Variants in THSD7A observed in about 807,000 individuals in gnomAD.
THSD7A encodes thrombospondin type-1 domain-containing protein 7A.
THSD7A carries 96 observed loss-of-function variants against 231.3 expected under a neutral mutation model. That is an observed-to-expected ratio of 0.41 (90% CI 0.35 to 0.49). The LOEUF is 0.49. THSD7A is among the 20% of genes least tolerant of loss of function. THSD7A has a pLI of 0.05. For missense variants in THSD7A, 2,290 were observed against 2,070.2 expected (o/e 1.11, Z -2.06); for synonymous variants, 940 against 743.3 (o/e 1.26, Z -4.30).
chr7:11,638,597 A>C (rs1431441282), intron 1 of THSD7A, among the ~76,000 whole-genome samples: 1 of 152,190 alleles, frequency 6.6e-6, no homozygotes, highest in Non-Finnish European at 1.5e-5. Context: ...ATGAAAGTAA[A>C]TATTGCATAG....
intron 1 of THSD7A, among the ~76,000 whole-genome samples, chr7:11,819,474 G>A (rs1403803559): frequency 2.0e-5 from 3 of 152,162 alleles, no homozygotes; most frequent in Non-Finnish European, 4.4e-5. Flanking sequence ...ATGGAATATT[G>A]TTCAGCGCTC....
chr7:11,455,036 G>T (rs1463180426), intron 11 of THSD7A, among the ~76,000 whole-genome samples: 1 of 151,990 alleles, frequency 6.6e-6, no homozygotes, highest in Admixed American at 6.6e-5. Context: ...ATGAGTGTGA[G>T]GTTCCTATGA....
intron 23 of THSD7A, among the ~76,000 whole-genome samples, chr7:11,388,363 A>T (rs1181415475): frequency 1.3e-5 from 2 of 152,000 alleles, no homozygotes; most frequent in African/African-American, 4.8e-5. Context: ...TTAGTGCCTC[A>T]ATTTTAGAAC....
chr7:11,586,846 C>A (rs1033862672), intron 4 of THSD7A, among the ~76,000 whole-genome samples: 21 of 152,238 alleles, frequency 1.4e-4, no homozygotes, highest in Admixed American at 1.3e-3. Context: ...ATCCTCCAAT[C>A]CTTTCTGTTG....
chr7:11,766,267 C>T (rs2128169864), intron 1 of THSD7A, among the ~76,000 whole-genome samples: 1 of 152,264 alleles, frequency 6.6e-6, no homozygotes, highest in Admixed American at 6.5e-5. Context: ...GAAGAAAGGC[C>T]AGCATCAGTT....
intron 4 of THSD7A, among the ~76,000 whole-genome samples, chr7:11,577,462 A>T (rs1190038389): frequency 2.6e-5 from 4 of 151,960 alleles, no homozygotes; most frequent in Non-Finnish European, 5.9e-5. Context: ...GACTACAGGC[A>T]TGTGCCACCA....
At chr7:11,466,118 T>G (rs757586595) in intron 9 of THSD7A, among the ~76,000 whole-genome samples, 27 of 152,274 alleles carry the variant, frequency 1.8e-4, no homozygotes, top group Middle Eastern at 3.4e-3. Context: ...TGTATTTGAC[T>G]TCCTTAAAGT....
rs7776931 is a variant in THSD7A at position 11,490,750 on chromosome 7, A to C, written c.1823-8768T>G. On this transcript the variant is annotated intron_variant, in intron 6 of 27. Coordinates refer to ENST00000423059, the MANE Select transcript of THSD7A (RefSeq NM_015204.3). ...AAATGTTAATTTTCATGTGCTCCAC[A>C]TTTAGTTTTTTAGTAACTAGTTCAA... Among the ~76,000 whole-genome samples the C allele has an allele frequency of 1.1e-3, 174 of 152,158 alleles. 1 individual carries two copies. The highest frequency in any genetic ancestry group is 3.9e-3 in the African/African-American group (162 of 41,550).
chr7:11,607,283 G>A (rs1477343027), intron 2 of THSD7A, among the ~76,000 whole-genome samples: 4 of 152,150 alleles, frequency 2.6e-5, no homozygotes, highest in East Asian at 1.9e-4. Flanking sequence ...TTCTGAGACC[G>A]TTACTTATAG....
At chr7:11,771,206 T>C (rs937014950) in intron 1 of THSD7A, among the ~76,000 whole-genome samples, 1 of 151,194 alleles carries the variant, frequency 6.6e-6, no homozygotes, top group African/African-American at 2.4e-5. Flanking sequence ...TCCTCAATTA[T>C]AAAAAATTTA....
At chr7:11,558,445 C>T (rs973250490) in intron 4 of THSD7A, among the ~76,000 whole-genome samples, 2 of 152,102 alleles carry the variant, frequency 1.3e-5, no homozygotes, top group Non-Finnish European at 2.9e-5. Context: ...TACCACAGTC[C>T]TAAATCTGGC....
intron 1 of THSD7A, among the ~76,000 whole-genome samples, chr7:11,720,848 A>G (rs1464619089): frequency 6.6e-6 from 1 of 151,424 alleles, no homozygotes; most frequent in African/African-American, 2.4e-5. Context: ...CATAGTTTTG[A>G]CTTTTACCAC....
At chr7:11,782,175 T>C (rs1459738512) in intron 1 of THSD7A, among the ~76,000 whole-genome samples, 2 of 152,304 alleles carry the variant, frequency 1.3e-5, no homozygotes, top group South Asian at 2.1e-4. Flanking sequence ...TATGTTCCCA[T>C]CTGTTCTGCA....
chr7:11,496,219 G>A (rs1384788429), intron 6 of THSD7A, among the ~76,000 whole-genome samples: 1 of 152,102 alleles, frequency 6.6e-6, no homozygotes, highest in Non-Finnish European at 1.5e-5. Context: ...ACTCTATGAA[G>A]TAGACATGAT....
intron 6 of THSD7A, among the ~76,000 whole-genome samples, chr7:11,505,730 T>A (rs1787517126): frequency 6.6e-6 from 1 of 152,192 alleles, no homozygotes; most frequent in Admixed American, 6.5e-5. Flanking sequence ...TGGCAAATTT[T>A]ACATGCTGAG....
At chr7:11,477,067 A>G (rs1009687498) in intron 7 of THSD7A, among the ~76,000 whole-genome samples, 14 of 152,174 alleles carry the variant, frequency 9.2e-5, no homozygotes, top group Admixed American at 2.6e-4. Context: ...AAATCAGAAT[A>G]TAAACAGATA....
At chr7:11,466,351 G>T (rs1785704286) in intron 9 of THSD7A, among the ~76,000 whole-genome samples, 1 of 151,944 alleles carries the variant, frequency 6.6e-6, no homozygotes, top group Non-Finnish European at 1.5e-5. Context: ...CATTTCTTAT[G>T]AAATAATGAA....
At chr7:11,629,939 C>T (rs901684157) in intron 2 of THSD7A, among the ~76,000 whole-genome samples, 2 of 152,160 alleles carry the variant, frequency 1.3e-5, no homozygotes, top group Non-Finnish European at 2.9e-5. Flanking sequence ...TATCCCAGAA[C>T]ACGTATGGTT....
chr7:11,629,513 T>C (rs2128357083), intron 2 of THSD7A, among the ~76,000 whole-genome samples: 1 of 152,300 alleles, frequency 6.6e-6, no homozygotes, highest in East Asian at 1.9e-4. Flanking sequence ...TATAAATGGA[T>C]TCTGAACAAC....
Sources: gnomAD v4.1 joint callset for allele counts (sites outside exome capture counted in the v4.1 genomes callset) on GRCh38, gnomAD v4.1.1 for gene constraint, MANE v1.5 for transcripts, NCBI Gene and HGNC (gene_info 2026-07-23, HGNC 2026-07-21) for gene names.